The following PLSCR2 variants were observed in gnomAD, a reference collection of about 807,000 sequenced individuals.
PLSCR2 encodes the protein phospholipid scramblase 2.
A neutral mutation model predicts 25.3 loss-of-function variants in PLSCR2; 18 were observed. The observed-to-expected ratio is 0.71, with a 90% CI of 0.49 to 1.06. The LOEUF (loss-of-function observed/expected upper bound fraction) is 1.06. Ranked by LOEUF, PLSCR2 falls within the 50% of genes least tolerant of loss-of-function variation. The probability of loss-of-function intolerance (pLI) is 0.00; values close to 1 mark genes in which losing one functional copy is unlikely to be tolerated. For missense variants in PLSCR2, 243 were observed against 269.5 expected (o/e 0.90, Z 0.69); for synonymous variants, 88 against 87.3 (o/e 1.01, Z -0.04).
intron 2 of PLSCR2, among the ~76,000 whole-genome samples, chr3:146,404,542 A>C (rs1331314212): frequency 6.6e-6 from 1 of 152,192 alleles, no homozygotes; most frequent in African/African-American, 2.4e-5. Flanking sequence ...CATTCAGACC[A>C]CAGCATTCCA....
chr3:146,427,385 G>T (rs1393291087), intron 2 of PLSCR2, among the ~76,000 whole-genome samples: 1 of 152,178 alleles, frequency 6.6e-6, no homozygotes, highest in Non-Finnish European at 1.5e-5. Context: ...GGAAACACTT[G>T]ATTTGATCTT....
rs150479089 is a variant in PLSCR2, at chr3:146,444,495, A to G, written c.646-2674T>C. On this transcript the variant is annotated intron_variant, in intron 6 of 6. Coordinates refer to ENST00000610787, the Ensembl canonical transcript of PLSCR2. The stretch of plus-strand genomic sequence containing the variant: ...ATTGTTACATCTTCTTGCAAAATTG[A>G]CCCCTGTATCATTACATAATGACTT... Among the ~76,000 whole-genome samples the G allele has an allele frequency of 2.4e-3, 363 of 150,390 alleles. 2 individuals carry two copies. The highest frequency in any genetic ancestry group is 8.4e-3 in the African/African-American group (343 of 40,932).
At chr3:146,421,542 T>C (rs1372856542) in intron 2 of PLSCR2, among the ~76,000 whole-genome samples, 1 of 152,078 alleles carries the variant, frequency 6.6e-6, no homozygotes, top group Non-Finnish European at 1.5e-5. Context: ...GGAAACTACA[T>C]GTGGAATGGC....
At chr3:146,459,759 T>A (rs943220985) in intron 2 of PLSCR2, 89 bp downstream of exon 2, 2 of 880,078 alleles carry the variant, frequency 2.3e-6, no homozygotes, top group African/African-American at 3.4e-5. Context: ...AGTAAATAAA[T>A]AAGTATCACT....
intron 2 of PLSCR2, among the ~76,000 whole-genome samples, chr3:146,414,291 T>C (rs1477868164): frequency 6.6e-6 from 1 of 152,236 alleles, no homozygotes; most frequent in Non-Finnish European, 1.5e-5. Context: ...GGTGAACACA[T>C]TGAAACCACA....
chr3:146,495,809 T>G lies in PLSCR2; in HGVS notation c.-293+86A>C, dbSNP rs373732328. On this transcript the variant is annotated intron_variant, in intron 1 of 8. Transcript: ENST00000336685. ...TAGGTAGTTCGTGAATAGGAACATA[T>G]GCATAAACAAAAGGGAGTATGTAGT... is the stretch of plus-strand genomic sequence containing the variant. 1.8e-5 allele frequency: 18 copies of G among 1,017,542 alleles called. No individual in the cohort carries two copies. The African/African-American group carries it at 2.4e-4, about 14-fold the overall frequency. 63.0% of individuals were successfully genotyped at this position (1,017,542 alleles called of 1,614,324 possible).
chr3:146,488,151 C>T, intron 1 of PLSCR2, among the ~76,000 whole-genome samples: 1 of 151,988 alleles, frequency 6.6e-6, no homozygotes, highest in Non-Finnish European at 1.5e-5. Context: ...AATTGGACCC[C>T]TTCCTTATAT....
rs116436513 is a variant in PLSCR2, at chr3:146,493,358, C to A, written c.-293+2537G>T. ...ACACTACAAATGAAAATCTTCAGAA[C>A]AATATCCCTGTTGTAAAACCCCTCA... is the stretch of plus-strand genomic sequence containing the variant. On this transcript the variant is annotated intron_variant, in intron 1 of 8. Coordinates refer to the PLSCR2 transcript ENST00000336685. Among the ~76,000 whole-genome samples the A allele has an allele frequency of 3.9e-3, 597 of 152,154 alleles. 2 individuals are homozygous for A. Among genetic ancestry groups the A allele is most frequent in the African/African-American group, 0.014 (584 of 41,550 alleles).
At chr3:146,474,109 T>C (rs933395289) in intron 1 of PLSCR2, among the ~76,000 whole-genome samples, 15 of 75,942 alleles carry the variant, frequency 2.0e-4, no homozygotes, top group African/African-American at 6.7e-4. Flanking sequence ...TGTATATGTA[T>C]ATTAATATGT....
At chr3:146,476,230 G>A (rs368596212) in intron 1 of PLSCR2, among the ~76,000 whole-genome samples, 28 of 152,122 alleles carry the variant, frequency 1.8e-4, no homozygotes, top group African/African-American at 6.8e-4. Context: ...TAGGCAGTTG[G>A]TGTGACTCAC....
intron 3 of PLSCR2, among the ~76,000 whole-genome samples, chr3:146,391,757 C>T (rs999932936): frequency 3.3e-5 from 5 of 152,062 alleles, no homozygotes; most frequent in Non-Finnish European, 7.4e-5. Context: ...ACTGTTTGCC[C>T]TTAAATACAT....
intron 1 of PLSCR2, among the ~76,000 whole-genome samples, chr3:146,479,518 G>A (rs2043054828): frequency 6.6e-6 from 1 of 152,178 alleles, no homozygotes; most frequent in Admixed American, 6.5e-5. Context: ...ATGGTAAAGG[G>A]ATCAATTCAA....
intron 2 of PLSCR2, among the ~76,000 whole-genome samples, chr3:146,412,635 A>G (rs1360332517): frequency 1.3e-5 from 2 of 152,172 alleles, no homozygotes; most frequent in African/African-American, 4.8e-5. Context: ...TTTCTCAGCA[A>G]GGCAATTTTA....
chr3:146,478,475 G>A (rs2043007276), intron 1 of PLSCR2, among the ~76,000 whole-genome samples: 1 of 152,300 alleles, frequency 6.6e-6, no homozygotes. Flanking sequence ...ATTCGATCAA[G>A]TGGAAGAAAG....
chr3:146,434,642 A>G (rs2039717591), intron 8 of PLSCR2, among the ~76,000 whole-genome samples: 1 of 152,100 alleles, frequency 6.6e-6, no homozygotes, highest in South Asian at 2.1e-4. Context: ...AAAAATTAAG[A>G]ACAAATGGAA....
chr3:146,423,630 G>A (rs181968318), intron 2 of PLSCR2, among the ~76,000 whole-genome samples: 250 of 152,026 alleles, frequency 1.6e-3, no homozygotes, highest in Non-Finnish European at 2.8e-3. Context: ...AAATATTTTA[G>A]ATAATGCTAA....
intron 3 of PLSCR2, 83 bp downstream of exon 3, chr3:146,458,328 C>T: frequency 8.5e-7 from 1 of 1,180,124 alleles, no homozygotes; most frequent in Non-Finnish European, 1.2e-6. Flanking sequence ...ACTCGGAATG[C>T]TATATTTATA....
upstream of PLSCR2, chr3:146,495,984 G>C: frequency 7.9e-7 from 1 of 1,265,952 alleles, no homozygotes; most frequent in Non-Finnish European, 1.1e-6. Flanking sequence ...TCTAAGATGG[G>C]CAGATACAAG....
intron 1 of PLSCR2, among the ~76,000 whole-genome samples, chr3:146,488,089 C>T (rs1364040376): frequency 6.6e-6 from 1 of 151,920 alleles, no homozygotes; most frequent in East Asian, 1.9e-4. Flanking sequence ...AAATTATTCC[C>T]TATTTAATAA....
Sources: allele counts gnomAD v4.1 joint callset (sites outside exome capture counted in the v4.1 genomes callset), GRCh38; gene constraint gnomAD v4.1.1; transcripts MANE v1.5; gene names NCBI Gene and HGNC (gene_info 2026-07-23, HGNC 2026-07-21).